The following NR2C1 variants were observed in gnomAD, a reference collection of about 807,000 sequenced individuals.
NR2C1 encodes the protein TR2 nuclear hormone receptor.
Under a neutral mutation model 74.8 loss-of-function variants are expected in NR2C1, and 33 were observed. The observed-to-expected ratio is 0.44, with a 90% CI of 0.33 to 0.59. NR2C1 has a LOEUF of 0.59. NR2C1 is among the 20% of genes least tolerant of loss of function. The pLI is 0.02. For missense variants in NR2C1, 568 were observed against 715.6 expected (o/e 0.79, Z 2.35); for synonymous variants, 225 against 240.6 (o/e 0.94, Z 0.60).
At chr12:95,052,848 T>C (rs249144) in intron 7 of NR2C1, among the ~76,000 whole-genome samples, 30,947 of 152,178 alleles carry the variant, frequency 0.2, 3,220 homozygotes, top group Non-Finnish European at 0.23. Context: ...TTGCCAAACA[T>C]TGTGTTAATT....
chr12:95,027,044 T>C (rs917546519), intron 12 of NR2C1, among the ~76,000 whole-genome samples: 2 of 152,162 alleles, frequency 1.3e-5, no homozygotes, highest in African/African-American at 4.8e-5. Flanking sequence ...TAAAGGTCTA[T>C]AACATTTTTT....
intron 9 of NR2C1, among the ~76,000 whole-genome samples, chr12:95,041,900 C>G (rs973810180): frequency 6.6e-6 from 1 of 152,150 alleles, no homozygotes; most frequent in Non-Finnish European, 1.5e-5. Context: ...GGCAACAACC[C>G]AAATTTCTAT....
In NR2C1 at chr12:95,049,180, T is replaced by A. The variant is rs1421377518; in HGVS notation, c.1019A>T (p.Gln340Leu). The A allele has an allele frequency of 6.2e-7, 1 of 1,614,142 alleles. No homozygotes were observed. The highest frequency in any genetic ancestry group is 8.5e-7 in the Non-Finnish European group (1 of 1,179,970). ...TCCTTCCATGCCCGCTACTGAGCTC[T>A]GGCAGGCTGTGCTCTCTCCAGGATT... ...ALNPGESTAC[Q>L]SSVAGMEGSV... The change falls in exon 9 of 14, where the codon CAG (glutamine) becomes CTG (leucine). Residue 340 changes from glutamine (Q) to leucine (L), a missense_variant. Gln to Leu is a moderately radical substitution (Grantham distance 113). Coordinates refer to ENST00000333003, the MANE Select transcript of NR2C1 (RefSeq NM_003297.4).
chr12:95,042,281 G>C (rs1183895298), intron 9 of NR2C1, among the ~76,000 whole-genome samples: 2 of 150,070 alleles, frequency 1.3e-5, no homozygotes, highest in Admixed American at 6.7e-5. Flanking sequence ...GAGTGCAGTG[G>C]CGTGATCTCA....
At chr12:95,059,850 C>T in intron 4 of NR2C1, 56 bp downstream of exon 4, 3 of 1,233,970 alleles carry the variant, frequency 2.4e-6, no homozygotes, top group Non-Finnish European at 3.4e-6. Context: ...AACAACACGA[C>T]ACATATAGGA....
intron 12 of NR2C1, 144 bp downstream of exon 12, chr12:95,028,243 C>CCA: frequency 1.6e-6 from 1 of 624,742 alleles, no homozygotes; most frequent in Non-Finnish European, 2.7e-6. Context: ...TATGATAACT[C>CCA]CATGTTTAAC....
In NR2C1 at chr12:95,057,749, G is replaced by C; in HGVS notation, c.674C>G (p.Thr225Arg). 2 of 1,614,040 alleles carry C rather than the reference G, an allele frequency of 1.2e-6. No homozygotes were observed. Among genetic ancestry groups the C allele is most frequent in the Non-Finnish European group, 1.7e-6 (2 of 1,179,984 alleles). ...SPLTATPTFV[T>R]DSESTRSTGL... is the part of the protein sequence containing the mutation. ...ACTTTACCTTGTACTTTCACTATCT[G>C]TTACAAAAGTTGGAGTTGCAGTTAA... The change falls in exon 6 of 14, where the codon ACA becomes AGA. Residue 225 changes from threonine to arginine, a missense_variant. Physicochemically the swap from Thr to Arg is moderately conservative, Grantham distance 71. This residue lies in a region of NR2C1 where 239 missense variants were observed against 232.3 expected (regional missense o/e 1.03). Transcript: ENST00000333003.
chr12:95,058,031 G>T, intron 5 of NR2C1, 153 bp from the exon 6 acceptor site: 1 of 760,748 alleles, frequency 1.3e-6, no homozygotes, highest in Non-Finnish European at 2.1e-6. Flanking sequence ...TTATGTGCAA[G>T]TTCAACAAAG....
At chr12:95,068,954 C>T (rs1207914501) in intron 1 of NR2C1, among the ~76,000 whole-genome samples, 3 of 151,792 alleles carry the variant, frequency 2.0e-5, no homozygotes, top group African/African-American at 4.8e-5. Context: ...CAGAGAGAGA[C>T]TCTGTCTCAA....
intron 10 of NR2C1, among the ~76,000 whole-genome samples, chr12:95,033,857 T>C (rs761760521): frequency 2.0e-5 from 3 of 152,186 alleles, no homozygotes; most frequent in East Asian, 1.9e-4. Flanking sequence ...TGTGAGAACT[T>C]TGATGAAAAG....
In NR2C1 at chr12:95,062,603, A is replaced by C. The variant is rs941132140; in HGVS notation, c.190T>G (p.Ser64Ala). ...PSKVILARQD[S>A]TPGKVFLTTP... ...GTAAGGAAAACTTTTCCCGGAGTGG[A>C]ATCTTGCCTGGCCAGAATGACTTTG... The change falls in exon 3 of 14, where the codon TCC (serine) becomes GCC (alanine). Residue 64 changes from serine to alanine, a missense_variant. Transcript: ENST00000333003. The C allele has an allele frequency of 9.3e-6, 15 of 1,614,006 alleles. No individual in the cohort carries two copies. The highest frequency in any genetic ancestry group is 1.3e-5 in the African/African-American group (1 of 74,920).
intron 13 of NR2C1, among the ~76,000 whole-genome samples, chr12:95,024,698 G>A (rs1367756500): frequency 6.6e-6 from 1 of 152,182 alleles, no homozygotes; most frequent in Non-Finnish European, 1.5e-5. Context: ...AGCTTTCTGA[G>A]TAGCTGGGAC....
chr12:95,037,677 C>T (rs1232862964), intron 10 of NR2C1, among the ~76,000 whole-genome samples: 1 of 152,082 alleles, frequency 6.6e-6, no homozygotes, highest in African/African-American at 2.4e-5. Context: ...AGGCGGATCA[C>T]GAGGTGAGGA....
Position 95,040,459 on chromosome 12 carries a change from G to A in NR2C1, c.1253+17C>T, listed in dbSNP as rs375571472. 1 of 1,588,600 alleles carries A rather than the reference G, an allele frequency of 6.3e-7. No homozygotes were observed. The highest frequency in any genetic ancestry group is 1.4e-5 in the African/African-American group (1 of 73,846). On this transcript the variant is annotated intron_variant, in intron 10 of 13. Transcript: ENST00000333003. ...ACTACAAAATCACATTTATATTCAA[G>A]ATTTCAAAACACTCACCCTAGAGCC...
chr12:95,040,734 C>T (rs1871421391), intron 9 of NR2C1, 137 bp from the exon 10 acceptor site: 2 of 777,566 alleles, frequency 2.6e-6, no homozygotes, highest in African/African-American at 3.6e-5. Flanking sequence ...TGAAATAATC[C>T]AAGTCACTAG....
At chr12:95,060,009 A>G (rs755643187) in intron 3 of NR2C1, 25 bp from the exon 4 acceptor site, 2 of 1,493,160 alleles carry the variant, frequency 1.3e-6, no homozygotes, top group Non-Finnish European at 1.8e-6. Flanking sequence ...AAAAAAAAAG[A>G]AAACAAAAAC....
At chr12:95,032,974 AAGAG>A (rs375953935) in intron 10 of NR2C1, among the ~76,000 whole-genome samples, 89 of 152,220 alleles carry the variant, frequency 5.8e-4, no homozygotes, top group Non-Finnish European at 1.0e-3. Context: ...TCTCAAAAAA[AAGAG>A]AGAGAATTAA....
chr12:95,055,257 T>A (rs1041319549), intron 7 of NR2C1, among the ~76,000 whole-genome samples: 1 of 152,214 alleles, frequency 6.6e-6, no homozygotes, highest in Non-Finnish European at 1.5e-5. Context: ...TACAAAGATA[T>A]ACAAGAGAGC....
At chr12:95,067,580 T>A (rs116026131) in intron 1 of NR2C1, among the ~76,000 whole-genome samples, 189 bp from the exon 2 acceptor site, 2,202 of 151,938 alleles carry the variant, frequency 0.014, 43 homozygotes, top group African/African-American at 0.047. Context: ...TTTTTATTTT[T>A]TTTTTTTTTA....
Sources: gnomAD v4.1 joint callset for allele counts (sites outside exome capture counted in the v4.1 genomes callset) on GRCh38, gnomAD v4.1.1 for gene constraint, gnomAD v4.1.1 regional missense constraint, MANE v1.5 for transcripts, NCBI Gene and HGNC (gene_info 2026-07-23, HGNC 2026-07-21) for gene names.